Variants in NOL4 observed in about 807,000 individuals in gnomAD.
The protein encoded by NOL4 is cancer/testis antigen 125.
In NOL4, 17 loss-of-function variants were observed where a neutral mutation model predicts 75.9. The observed-to-expected ratio is 0.22, with a 90% CI of 0.15 to 0.34. The LOEUF is 0.34. NOL4 is among the 10% of genes least tolerant of loss of function. The pLI is 1.00. For synonymous variants in NOL4, 292 were observed against 289.9 expected (o/e 1.01, Z -0.07); for missense variants, 614 against 793.5 (o/e 0.77, Z 2.72).
chr18:33,931,249 A>G (rs550158544), intron 9 of NOL4, among the ~76,000 whole-genome samples: 5 of 152,300 alleles, frequency 3.3e-5, no homozygotes, highest in African/African-American at 1.2e-4. Context: ...TTCAAATCTT[A>G]GACTATTCGG....
intron 9 of NOL4, among the ~76,000 whole-genome samples, chr18:33,906,419 A>C (rs1246276286): frequency 6.6e-6 from 1 of 152,202 alleles, no homozygotes; most frequent in African/African-American, 2.4e-5. Flanking sequence ...AGCTCTCTAA[A>C]TAAGGTCACT....
At chr18:34,114,530 T>C (rs2079758293) in intron 2 of NOL4, among the ~76,000 whole-genome samples, 1 of 152,230 alleles carries the variant, frequency 6.6e-6, no homozygotes, top group Non-Finnish European at 1.5e-5. Context: ...ACATTATTTA[T>C]CAAGTAAATA....
intron 1 of NOL4, among the ~76,000 whole-genome samples, chr18:34,175,934 T>C (rs1022073872): frequency 6.6e-6 from 1 of 151,954 alleles, no homozygotes; most frequent in African/African-American, 2.4e-5. Flanking sequence ...AAAAAATGAA[T>C]GGCACAAAGG....
At chr18:34,130,648 T>C (rs1407210986) in intron 1 of NOL4, among the ~76,000 whole-genome samples, 1 of 152,048 alleles carries the variant, frequency 6.6e-6, no homozygotes, top group Admixed American at 6.6e-5. Context: ...TAAATTTCAG[T>C]TTTTCTCTCC....
intron 6 of NOL4, among the ~76,000 whole-genome samples, chr18:34,013,613 T>C (rs1415538444): frequency 6.6e-6 from 1 of 151,940 alleles, no homozygotes; most frequent in African/African-American, 2.4e-5. Flanking sequence ...TCAATGTTCC[T>C]CTGTTTGGAA....
At chr18:34,043,672 T>C (rs1381682560) in intron 5 of NOL4, among the ~76,000 whole-genome samples, 1 of 152,028 alleles carries the variant, frequency 6.6e-6, no homozygotes, top group Non-Finnish European at 1.5e-5. Flanking sequence ...TAATAGTAAT[T>C]ATATGTGTCT....
chr18:34,034,001 G>A (rs571827174), intron 5 of NOL4, among the ~76,000 whole-genome samples: 1 of 152,156 alleles, frequency 6.6e-6, no homozygotes, highest in African/African-American at 2.4e-5. Flanking sequence ...GAAAGCAAAG[G>A]AAATTCATTA....
intron 9 of NOL4, among the ~76,000 whole-genome samples, chr18:33,909,996 T>G (rs1301139838): frequency 4.6e-5 from 7 of 152,214 alleles, no homozygotes; most frequent in Admixed American, 3.3e-4. Context: ...GGCAGTCATG[T>G]GAAGACATAG....
chr18:34,194,420 G>GA lies in NOL4; in HGVS notation c.264+28569dup, dbSNP rs1349430043. On this transcript the variant is annotated intron_variant, in intron 1 of 10. Coordinates refer to ENST00000261592, the MANE Select transcript of NOL4 (RefSeq NM_003787.5). The stretch of plus-strand genomic sequence containing the variant: ...ATTAGGAAAAAGGTAGGGAAGGAGG[G>GA]AGGGAGGGAAGGAAGGAAGGAAGGA... 6.5e-4 allele frequency among the ~76,000 whole-genome samples: 78 copies of GA among 120,236 alleles called. 1 individual carries two copies. The highest frequency in any genetic ancestry group is 3.8e-3 in the Middle Eastern group (1 of 260). The allele number at this position is 120,236 out of a possible 152,430, so 78.9% of individuals were successfully genotyped here.
intron 5 of NOL4, among the ~76,000 whole-genome samples, chr18:34,046,137 A>G (rs1170094623): frequency 6.6e-6 from 1 of 152,008 alleles, no homozygotes; most frequent in African/African-American, 2.4e-5. Flanking sequence ...CCATTTCCAT[A>G]TCACCTAATA....
At position 33,884,939 on chromosome 18, in the gene NOL4, C is replaced by G. The variant is rs571777477; in HGVS notation, c.1543-1515G>C. On this transcript the variant is annotated intron_variant, in intron 9 of 10. Coordinates refer to ENST00000261592, the MANE Select transcript of NOL4 (RefSeq NM_003787.5). ...GTTCATCAAACTGAATCAAATCTAACTGACCCATTCAACTCTGACCATTAT... is the reference window on the plus strand; with the variant it reads ...GTTCATCAAACTGAATCAAATCTAAGTGACCCATTCAACTCTGACCATTAT... Among the ~76,000 whole-genome samples, 21 of 152,170 alleles carry G rather than the reference C, an allele frequency of 1.4e-4. No homozygotes were observed. In the East Asian group the frequency reaches 4.1e-3, roughly 30 times the overall value.
intron 5 of NOL4, among the ~76,000 whole-genome samples, chr18:34,037,121 T>C (rs1370135471): frequency 6.6e-6 from 1 of 152,162 alleles, no homozygotes; most frequent in Non-Finnish European, 1.5e-5. Context: ...GTACCATTTC[T>C]GTACACCATA....
intron 2 of NOL4, among the ~76,000 whole-genome samples, chr18:34,119,007 C>A (rs2079994297): frequency 6.6e-6 from 1 of 152,032 alleles, no homozygotes; most frequent in East Asian, 1.9e-4. Flanking sequence ...ATTAATGTGC[C>A]TGGATATATC....
intron 5 of NOL4, among the ~76,000 whole-genome samples, chr18:34,052,422 A>AT (rs2076661730): frequency 6.6e-6 from 1 of 152,112 alleles, no homozygotes; most frequent in African/African-American, 2.4e-5. Context: ...TGGCTTAAAC[A>AT]TTTAACTCTT....
chr18:34,201,280 A>T (rs1244546246), intron 1 of NOL4, among the ~76,000 whole-genome samples: 1 of 151,834 alleles, frequency 6.6e-6, no homozygotes, highest in Non-Finnish European at 1.5e-5. Context: ...TAATCTTCAT[A>T]AAAATCCCAT....
intron 5 of NOL4, among the ~76,000 whole-genome samples, chr18:34,077,118 C>T (rs1159622444): frequency 6.6e-6 from 1 of 152,040 alleles, no homozygotes; most frequent in Non-Finnish European, 1.5e-5. Context: ...CTAGCCTGGG[C>T]AACATGGTGA....
rs779848796 is a variant in NOL4 at position 33,853,044 on chromosome 18, A to G, written c.1724-9T>C. 6.3e-7 allele frequency: 1 copy of G among 1,579,930 alleles called. No individual in the cohort carries two copies. Among genetic ancestry groups the G allele is most frequent in the South Asian group, 1.2e-5 (1 of 86,392 alleles). On this transcript the variant is annotated splice_polypyrimidine_tract_variant and intron_variant, in intron 10 of 10. Coordinates refer to ENST00000261592, the MANE Select transcript of NOL4 (RefSeq NM_003787.5). ...GCTGAGATCAGTGGGTCCTAGAAAG[A>G]AAATCATCACAAAATTAGACATAAA...
In NOL4 at chr18:34,224,236, T is replaced by G. The variant is rs1425863947; in HGVS notation, c.-983A>C. The G allele has an allele frequency of 6.6e-6, 1 of 152,202 alleles. No homozygotes were observed. The highest frequency in any genetic ancestry group is 1.5e-5 in the Non-Finnish European group (1 of 68,048). 9.4% of individuals were successfully genotyped at this position (152,202 alleles called of 1,614,324 possible). A position where few individuals can be genotyped will look rare whatever the true frequency, so the allele number is the denominator to read the frequency against. The stretch of plus-strand genomic sequence containing the variant: ...GTTTCTGCTGAACAAGACATAGAAG[T>G]AAGTTTAGGATACAGATGCTTGAAA... On this transcript the variant is annotated 5_prime_UTR_variant, in exon 1 of 11. Coordinates refer to ENST00000261592, the MANE Select transcript of NOL4 (RefSeq NM_003787.5).
chr18:33,955,424 ATG>A (rs1483704433), intron 8 of NOL4, among the ~76,000 whole-genome samples: 1 of 152,082 alleles, frequency 6.6e-6, no homozygotes, highest in African/African-American at 2.4e-5. Context: ...TTTCCTAAAC[ATG>A]AAAGGCTTGC....
Sources: gnomAD v4.1 joint callset for allele counts (sites outside exome capture counted in the v4.1 genomes callset) on GRCh38, gnomAD v4.1.1 for gene constraint, MANE v1.5 for transcripts, NCBI Gene and HGNC (gene_info 2026-07-23, HGNC 2026-07-21) for gene names.